Variants in NCOR2 observed in about 807,000 individuals in gnomAD.
NCOR2 encodes the protein CTG repeat protein 26.
NCOR2 carries 81 observed loss-of-function variants against 262.9 expected under a neutral mutation model. The ratio of observed to expected loss-of-function variants is 0.31; its 90% CI spans 0.26 to 0.37. The LOEUF (loss-of-function observed/expected upper bound fraction) is 0.37. Ranked by LOEUF, NCOR2 falls within the 10% of genes least tolerant of loss-of-function variation. The pLI, the probability that NCOR2 is intolerant of heterozygous loss-of-function variation, is 1.00. For missense variants in NCOR2, 3,385 were observed against 3,621.4 expected (o/e 0.93, Z 1.68); for synonymous variants, 1,659 against 1,559.3 (o/e 1.06, Z -1.51).
In NCOR2 at chr12:124,327,637, G is replaced by GGA; in HGVS notation, c.6959-6_6959-5dup. 6.2e-7 allele frequency: 1 copy of GGA among 1,603,656 alleles called. No homozygotes were observed. The highest frequency in any genetic ancestry group is 8.5e-7 in the Non-Finnish European group (1 of 1,178,682). Reference sequence around the variant, plus strand: ...TGGCTTCTATAGGTCATAAGGCCTGGGAGAGAGAGACAGACAGACAGACAG... The same window carrying GGA: ...TGGCTTCTATAGGTCATAAGGCCTGGGAGAGAGAGAGACAGACAGACAGACAG... On this transcript the variant is annotated splice_region_variant and splice_polypyrimidine_tract_variant and intron_variant, in intron 44 of 46. Transcript: ENST00000405201.
chr12:124,487,930 C>G (rs914484019), intron 1 of NCOR2, among the ~76,000 whole-genome samples: 11 of 150,986 alleles, frequency 7.3e-5, no homozygotes, highest in Non-Finnish European at 1.3e-4. Context: ...ACAAGACAGG[C>G]TTCACTTACG....
intron 1 of NCOR2, chr12:124,556,233 G>A (rs148142251): frequency 5.9e-5 from 9 of 151,860 alleles, no homozygotes; most frequent in African/African-American, 1.2e-4. Flanking sequence ...GAGGCTCTGC[G>A]GGAGCAGGAG....
intron 13 of NCOR2, 62 bp downstream of exon 15, chr12:124,419,882 TGCTGGCCACCAAG>T: frequency 7.5e-7 from 1 of 1,332,338 alleles, no homozygotes; most frequent in Admixed American, 1.7e-5. Flanking sequence ...CCATGCGGGG[TGCTGGCCACCAAG>T]CAAGTGGCCG....
At chr12:124,330,744 G>T in intron 44 of NCOR2, 101 bp downstream of exon 46, 2 of 1,313,178 alleles carry the variant, frequency 1.5e-6, no homozygotes, top group Non-Finnish European at 1.1e-6. Flanking sequence ...GGTACACCCA[G>T]ACTAGCGAAG....
At chr12:124,500,212 A>C (rs1005982127), upstream of NCOR2, among the ~76,000 whole-genome samples, 5 of 152,090 alleles carry the variant, frequency 3.3e-5, no homozygotes, top group East Asian at 9.6e-4. Flanking sequence ...CTGCACATCC[A>C]AGCCACCAAC....
upstream of NCOR2, chr12:124,495,267 C>A (rs201608375): frequency 2.5e-6 from 4 of 1,606,630 alleles, no homozygotes; most frequent in Middle Eastern, 1.8e-4. This position sits in a 1 kb window ranked among gnomAD's most constrained non-coding sequence, Gnocchi z 4.4. Context: ...TGGGGGTCGG[C>A]GGGGAGCTGC....
intron 7 of NCOR2, among the ~76,000 whole-genome samples, 196 bp downstream of exon 9, chr12:124,449,619 G>A (rs1020765162): frequency 1.3e-5 from 2 of 151,976 alleles, no homozygotes; most frequent in East Asian, 1.9e-4. Context: ...ACCTCAGGGG[G>A]ACACTCTCTC....
At chr12:124,530,254 A>G (rs2050709060) in intron 1 of NCOR2, 1 of 151,772 alleles carries the variant, frequency 6.6e-6, no homozygotes, top group Admixed American at 6.6e-5. Flanking sequence ...AAAAGCTTCT[A>G]TAACAGCAGA....
At chr12:124,422,593 G>T in intron 11 of NCOR2, 38 bp from the exon 14 acceptor site, 1 of 1,612,054 alleles carries the variant, frequency 6.2e-7, no homozygotes, top group Non-Finnish European at 8.5e-7. Context: ...ACCTGGCCGA[G>T]GGGGGCTTTC....
rs2036387067 is a variant in NCOR2, at chr12:124,340,731, C to T, written c.5209G>A (p.Val1737Met). The T allele has an allele frequency of 3.9e-6, 6 of 1,545,588 alleles. No individual in the cohort carries two copies. The African/African-American group carries it at 4.2e-5, about 11-fold the overall frequency. ...GGCACGAGCACAGGCAGGTGTGGCACTTGGGACAGGTCGATGATGCCTGCG... is the reference window on the plus strand; with the variant it reads ...GGCACGAGCACAGGCAGGTGTGGCATTTGGGACAGGTCGATGATGCCTGCG... The change falls in exon 35 of 47, where the codon GTG (valine) becomes ATG (methionine). Residue 1737 changes from valine to methionine, a missense_variant. Transcript: ENST00000405201.
Position 124,473,082 on chromosome 12 carries a change from G to A in NCOR2, c.461C>T (p.Pro154Leu), listed in dbSNP as rs369337188. 107 of 1,613,372 alleles carry A rather than the reference G, an allele frequency of 6.6e-5. No homozygotes were observed. Among genetic ancestry groups the A allele is most frequent in the Admixed American group, 3.3e-4 (20 of 59,996 alleles). ...CAGCTCCAGCTCAGGGTCAGTGTGC[G>A]GGGGGCTGGGGGGAGACACCGGTTC... Residue 154 changes from proline to leucine, a missense_variant, in exon 4 of 47, where the codon CCG becomes CTG. Physicochemically the swap from Pro to Leu is moderately conservative, Grantham distance 98 (BLOSUM62 -3). Transcript: ENST00000405201.
intron 1 of NCOR2, among the ~76,000 whole-genome samples, chr12:124,543,195 C>G (rs2051429623): frequency 6.6e-6 from 1 of 152,148 alleles, no homozygotes; most frequent in Admixed American, 6.5e-5. Flanking sequence ...GGGGATGGGC[C>G]GCAGCCCCGT....
At chr12:124,415,329 A>T (rs2042800468) in intron 13 of NCOR2, among the ~76,000 whole-genome samples, 1 of 152,256 alleles carries the variant, frequency 6.6e-6, no homozygotes, top group African/African-American at 2.4e-5. Context: ...CAGTGGCTCC[A>T]CAAATACAGC....
chr12:124,416,115 G>A lies in NCOR2; in HGVS notation c.1482+3842C>T, dbSNP rs759747270. Among the ~76,000 whole-genome samples, 202 of 152,178 alleles carry A rather than the reference G, an allele frequency of 1.3e-3. 1 individual carries two copies. The highest frequency in any genetic ancestry group is 1.7e-3 in the African/African-American group (70 of 41,524). On this transcript the variant is annotated intron_variant, in intron 13 of 46. Transcript: ENST00000405201. ...AAGCGTCCACTGGAGCTGAGACGGG[G>A]CCCAAGCTCTGCAGTGAGCCACAGG... is the stretch of plus-strand genomic sequence containing the variant.
chr12:124,542,652 A>G (rs1463078283), intron 1 of NCOR2: 3 of 152,402 alleles, frequency 2.0e-5, no homozygotes, highest in Admixed American at 1.3e-4. Flanking sequence ...GACTCCCAGA[A>G]GCCTTCCCTG....
upstream of NCOR2, among the ~76,000 whole-genome samples, chr12:124,497,392 G>A (rs1047299292): frequency 2.4e-4 from 37 of 152,190 alleles, no homozygotes; most frequent in Non-Finnish European, 1.3e-4. This position sits in a 1 kb window ranked among gnomAD's most constrained non-coding sequence, Gnocchi z 4.2. Flanking sequence ...CAAGTCACTT[G>A]CCCTCTCTGA....
intron 13 of NCOR2, among the ~76,000 whole-genome samples, chr12:124,417,160 C>T (rs1360711749): frequency 9.9e-5 from 15 of 151,092 alleles, no homozygotes; most frequent in African/African-American, 3.4e-4. Context: ...GGAGAGCAGG[C>T]CGGACACTCA....
At chr12:124,515,620 GGT>G (rs1229122589) in intron 1 of NCOR2, among the ~76,000 whole-genome samples, 2 of 150,086 alleles carry the variant, frequency 1.3e-5, no homozygotes, top group African/African-American at 4.9e-5. Context: ...TGTGAGTATG[GGT>G]GTGTGTGCAC....
At position 124,398,199 on chromosome 12, in the gene NCOR2, G is replaced by C; in HGVS notation, c.1814-18C>G. 1 of 1,613,902 alleles carries C rather than the reference G, an allele frequency of 6.2e-7. No homozygotes were observed. The highest frequency in any genetic ancestry group is 8.5e-7 in the Non-Finnish European group (1 of 1,179,746). On this transcript the variant is annotated intron_variant, in intron 15 of 46. Coordinates refer to ENST00000405201, the Ensembl canonical transcript of NCOR2. ...CATGGAGGCTGAAAAGAAGATGCCA[G>C]GTTATTGGCAGGAGCCGGGAGAGGA...
Sources: gnomAD v4.1 joint callset for allele counts (sites outside exome capture counted in the v4.1 genomes callset) on GRCh38, gnomAD v4.1.1 for gene constraint, Gnocchi (gnomAD v3.1) non-coding constraint, MANE v1.5 for transcripts, NCBI Gene and HGNC (gene_info 2026-07-23, HGNC 2026-07-21) for gene names.